SAMMSON: variants seen among roughly 807,000 people sequenced by gnomAD.
The protein encoded by SAMMSON is survival associated mitochondrial melanoma specific oncogenic non-coding RNA, also known as long intergenic non-protein coding RNA 1212.
At chr3:70,287,133 G>T (rs1575616049) in intron 6 of SAMMSON, among the ~76,000 whole-genome samples, 1 of 137,670 alleles carries the variant, frequency 7.3e-6, no homozygotes, top group Non-Finnish European at 1.6e-5. Flanking sequence ...CCTGTCTTGT[G>T]CCAGTTTTCA....
intron 9 of SAMMSON, among the ~76,000 whole-genome samples, chr3:70,386,071 C>T (rs1279099496): frequency 1.3e-5 from 2 of 152,142 alleles, no homozygotes; most frequent in Non-Finnish European, 2.9e-5. Flanking sequence ...ACACTGGCTG[C>T]TTGCCTCCAT....
intron 3 of SAMMSON, among the ~76,000 whole-genome samples, chr3:70,026,360 C>T (rs748365544): frequency 5.9e-5 from 9 of 151,520 alleles, no homozygotes; most frequent in Non-Finnish European, 7.4e-5. Flanking sequence ...CATTTTTTTC[C>T]ATTCCTTCCT....
intron 7 of SAMMSON, among the ~76,000 whole-genome samples, chr3:70,331,633 A>AAT (rs1219362387): frequency 3.3e-5 from 5 of 152,368 alleles, no homozygotes; most frequent in African/African-American, 1.2e-4. Context: ...ACCATGTTAA[A>AAT]ATATGATTCA....
intron 4 of SAMMSON, among the ~76,000 whole-genome samples, chr3:70,185,499 G>A (rs1018622021): frequency 2.6e-5 from 4 of 152,122 alleles, no homozygotes; most frequent in Non-Finnish European, 5.9e-5. Context: ...TGAAAGCCTG[G>A]CATAGAATAT....
intron 3 of SAMMSON, among the ~76,000 whole-genome samples, chr3:70,034,642 G>A (rs1337104913): frequency 6.6e-6 from 1 of 152,090 alleles, no homozygotes; most frequent in South Asian, 2.1e-4. Context: ...TCAGGAGTTC[G>A]AGACCAGCCT....
At chr3:70,109,718 C>T (rs2106660037) in intron 4 of SAMMSON, among the ~76,000 whole-genome samples, 1 of 152,326 alleles carries the variant, frequency 6.6e-6, no homozygotes, top group African/African-American at 2.4e-5. Flanking sequence ...GTGGGATCCA[C>T]TCTGTGATTT....
chr3:70,022,373 T>G (rs999108595), intron 3 of SAMMSON, among the ~76,000 whole-genome samples: 7 of 139,088 alleles, frequency 5.0e-5, no homozygotes, highest in Non-Finnish European at 9.0e-5. Flanking sequence ...TGTATACATA[T>G]GTAACAAACT....
chr3:70,309,256 GCCTACATC>G (rs1702434810), intron 7 of SAMMSON, among the ~76,000 whole-genome samples: 1 of 152,108 alleles, frequency 6.6e-6, no homozygotes, highest in East Asian at 1.9e-4. Flanking sequence ...GTCTTTCCAA[GCCTACATC>G]CCTTAATTTG....
intron 4 of SAMMSON, among the ~76,000 whole-genome samples, chr3:70,218,961 G>A (rs1346741140): frequency 6.6e-6 from 1 of 151,628 alleles, no homozygotes. Flanking sequence ...AAAATAACAG[G>A]ACAATTTTAT....
intron 3 of SAMMSON, among the ~76,000 whole-genome samples, chr3:70,019,927 A>T (rs1291411765): frequency 6.6e-6 from 1 of 152,180 alleles, no homozygotes; most frequent in Non-Finnish European, 1.5e-5. Flanking sequence ...AACTATTAAA[A>T]TTTGGTGGAA....
intron 4 of SAMMSON, among the ~76,000 whole-genome samples, chr3:70,158,534 G>A (rs988141527): frequency 3.6e-4 from 54 of 151,592 alleles, no homozygotes; most frequent in African/African-American, 1.3e-3. Context: ...CAAGTCTTTG[G>A]GTGGACACTT....
At chr3:70,005,621 A>G (rs1171014046) in intron 1 of SAMMSON, among the ~76,000 whole-genome samples, 1 of 152,186 alleles carries the variant, frequency 6.6e-6, no homozygotes. Context: ...AGGCAGGACC[A>G]GATTCAGAAA....
chr3:70,371,942 C>T (rs1702973688), intron 9 of SAMMSON, among the ~76,000 whole-genome samples: 1 of 152,008 alleles, frequency 6.6e-6, no homozygotes, highest in Admixed American at 6.6e-5. Context: ...TCATCTTTTC[C>T]CCATTTTATG....
At chr3:70,096,682 T>C (rs2067324169) in intron 4 of SAMMSON, among the ~76,000 whole-genome samples, 1 of 152,154 alleles carries the variant, frequency 6.6e-6, no homozygotes, top group African/African-American at 2.4e-5. Flanking sequence ...AGGCCATAAA[T>C]ACCAAGAGAT....
intron 4 of SAMMSON, among the ~76,000 whole-genome samples, chr3:70,124,835 A>G (rs2067449375): frequency 6.6e-6 from 1 of 150,424 alleles, no homozygotes; most frequent in South Asian, 2.1e-4. Context: ...AAAAAAAAAA[A>G]AAAAGAAAGA....
At chr3:70,216,472 G>A (rs867784426) in intron 4 of SAMMSON, among the ~76,000 whole-genome samples, 4 of 151,908 alleles carry the variant, frequency 2.6e-5, no homozygotes, top group African/African-American at 7.3e-5. Flanking sequence ...CACAGAAAAC[G>A]CGGGGATATC....
chr3:70,019,465 C>T (rs954066685), intron 3 of SAMMSON, among the ~76,000 whole-genome samples: 1 of 152,080 alleles, frequency 6.6e-6, no homozygotes, highest in African/African-American at 2.4e-5. Flanking sequence ...TTATTTTGAG[C>T]CTATGTGTGT....
chr3:70,018,133 C>G (rs12632015), intron 3 of SAMMSON, among the ~76,000 whole-genome samples: 2 of 151,940 alleles, frequency 1.3e-5, no homozygotes, highest in East Asian at 3.9e-4. Flanking sequence ...CTTTTTCTAT[C>G]AATTGGAATA....
intron 2 of SAMMSON, among the ~76,000 whole-genome samples, chr3:70,433,967 G>A (rs1232888259): frequency 2.0e-5 from 3 of 152,140 alleles, no homozygotes; most frequent in African/African-American, 7.2e-5. Flanking sequence ...ATGCAGGTAA[G>A]CTACTAAGCT....
Sources: allele counts gnomAD v4.1 joint callset (sites outside exome capture counted in the v4.1 genomes callset), GRCh38; gene constraint gnomAD v4.1.1; transcripts MANE v1.5; gene names NCBI Gene and HGNC (gene_info 2026-07-23, HGNC 2026-07-21).